EPHB2: variants seen among roughly 807,000 people sequenced by gnomAD.
The protein encoded by EPHB2 is ephrin type-B receptor 2.
A neutral mutation model predicts 96.4 loss-of-function variants in EPHB2; 18 were observed. The ratio of observed to expected loss-of-function variants is 0.19; its 90% confidence interval spans 0.13 to 0.28. The LOEUF (loss-of-function observed/expected upper bound fraction) is 0.28. Ranked by LOEUF, EPHB2 falls within the 10% of genes least tolerant of loss-of-function variation. The pLI, the probability that EPHB2 is intolerant of heterozygous loss-of-function variation, is 1.00. For synonymous variants in EPHB2, 506 were observed against 534.1 expected (o/e 0.95, Z 0.72); for missense variants, 989 against 1,355.4 (o/e 0.73, Z 4.25).
At position 22,910,410 on chromosome 1, in the gene EPHB2, G is replaced by A. The variant is rs755816176; in HGVS notation, c.2531G>A (p.Arg844Gln). The change falls in exon 14 of 16, where the codon CGG (arginine) becomes CAG (glutamine). Residue 844 changes from arginine to glutamine, a missense_variant. Physicochemically the swap from Arg to Gln is conservative, Grantham distance 43. Transcript: ENST00000374630. The part of the protein sequence containing the change: ...DVINAIEQDY[R>Q]LPPPMDCPSA... Reference sequence around the variant, plus strand: ...ATCAATGCCATTGAGCAGGACTATCGGCTGCCACCGCCCATGGACTGCCCG... The same window carrying A: ...ATCAATGCCATTGAGCAGGACTATCAGCTGCCACCGCCCATGGACTGCCCG... 20 of 1,614,066 alleles carry A rather than the reference G, an allele frequency of 1.2e-5. No homozygotes were observed. The highest frequency in any genetic ancestry group is 4.0e-5 in the African/African-American group (3 of 74,916).
chr1:22,741,519 A>G (rs916116431), intron 1 of EPHB2, among the ~76,000 whole-genome samples: 9 of 152,028 alleles, frequency 5.9e-5, no homozygotes, highest in Admixed American at 1.3e-4. Flanking sequence ...TGCCTGATGC[A>G]TAGAATAACT....
intron 3 of EPHB2, among the ~76,000 whole-genome samples, chr1:22,843,542 C>G (rs1281622188): frequency 6.6e-6 from 1 of 152,036 alleles, no homozygotes; most frequent in Non-Finnish European, 1.5e-5. Flanking sequence ...TTCCCTTCTT[C>G]TTTTTCTTTT....
chr1:22,739,412 C>T (rs1054343063), intron 1 of EPHB2, among the ~76,000 whole-genome samples: 1 of 152,116 alleles, frequency 6.6e-6, no homozygotes, highest in Non-Finnish European at 1.5e-5. Flanking sequence ...GATGGGGGTT[C>T]ACCTTGTTGG....
chr1:22,753,599 C>A (rs1189782109), intron 1 of EPHB2, among the ~76,000 whole-genome samples: 1 of 152,128 alleles, frequency 6.6e-6, no homozygotes, highest in Non-Finnish European at 1.5e-5. Context: ...CCAGCACAGG[C>A]ACAAGCGTGG....
intron 2 of EPHB2, among the ~76,000 whole-genome samples, chr1:22,783,621 C>G (rs1438955624): frequency 6.6e-6 from 1 of 152,222 alleles, no homozygotes. Context: ...GGGAAGGAGC[C>G]TGGTCCGTGA....
chr1:22,827,611 T>A (rs1645243229), intron 3 of EPHB2, among the ~76,000 whole-genome samples: 1 of 152,172 alleles, frequency 6.6e-6, no homozygotes, highest in Non-Finnish European at 1.5e-5. Flanking sequence ...CCTCGTGAGG[T>A]CACTGTGAAG....
intron 6 of EPHB2, among the ~76,000 whole-genome samples, chr1:22,883,505 G>A (rs1241914600): frequency 6.6e-6 from 1 of 152,246 alleles, no homozygotes; most frequent in Non-Finnish European, 1.5e-5. Context: ...GGCATCGCGG[G>A]GCTTCCATTC....
chr1:22,785,065 C>A lies in EPHB2; in HGVS notation c.800C>A (p.Thr267Asn). ...KAGFEAVENGTVCRGCPSGTF... is the reference protein window; with the variant it reads ...KAGFEAVENGNVCRGCPSGTF... ...GGCTTCGAGGCCGTTGAGAATGGCACCGTCTGCCGAGGTAAGGGCCAGGGT... is the reference window on the plus strand; with the variant it reads ...GGCTTCGAGGCCGTTGAGAATGGCAACGTCTGCCGAGGTAAGGGCCAGGGT... The change falls in exon 3 of 16, where the codon ACC becomes AAC. Residue 267 changes from threonine to asparagine, a missense_variant. Thr to Asn is a moderately conservative substitution (Grantham distance 65). Transcript: ENST00000374630. 6.2e-7 allele frequency: 1 copy of A among 1,613,548 alleles called. No individual in the cohort carries two copies. Among genetic ancestry groups the A allele is most frequent in the East Asian group, 2.2e-5 (1 of 44,882 alleles).
chr1:22,893,191 G>C, intron 7 of EPHB2, 145 bp downstream of exon 7: 1 of 1,279,552 alleles, frequency 7.8e-7, no homozygotes, highest in Non-Finnish European at 1.1e-6. Flanking sequence ...TCCTAATTTC[G>C]AACCTTTGTG....
At chr1:22,768,601 G>T (rs1457954090) in intron 1 of EPHB2, among the ~76,000 whole-genome samples, 1 of 151,962 alleles carries the variant, frequency 6.6e-6, no homozygotes, top group Admixed American at 6.5e-5. Context: ...GCTGAGGTGG[G>T]AGGATCAGTT....
intron 1 of EPHB2, among the ~76,000 whole-genome samples, chr1:22,763,085 G>C (rs185319058): frequency 4.6e-5 from 7 of 152,176 alleles, no homozygotes; most frequent in African/African-American, 1.4e-4. Context: ...CCACGCAGGG[G>C]TTCCCTGCCA....
At chr1:22,711,726 G>C (rs1225473065) in intron 1 of EPHB2, among the ~76,000 whole-genome samples, 1 of 152,094 alleles carries the variant, frequency 6.6e-6, no homozygotes, top group East Asian at 1.9e-4. Context: ...CCACCGCCCC[G>C]CGGCCGCGGC....
At chr1:22,903,611 A>G (rs1234701085) in intron 9 of EPHB2, among the ~76,000 whole-genome samples, 2 of 152,196 alleles carry the variant, frequency 1.3e-5, no homozygotes, top group African/African-American at 2.4e-5. Flanking sequence ...CAGAGCCACA[A>G]TTTCCTTATG....
intron 1 of EPHB2, among the ~76,000 whole-genome samples, chr1:22,767,945 A>C (rs1644329480): frequency 6.6e-6 from 1 of 152,216 alleles, no homozygotes; most frequent in Admixed American, 6.5e-5. Context: ...ATGCGAGAAA[A>C]TGTCCCAGCA....
chr1:22,821,696 G>T (rs935658962), intron 3 of EPHB2, among the ~76,000 whole-genome samples: 1 of 152,226 alleles, frequency 6.6e-6, no homozygotes, highest in African/African-American at 2.4e-5. Context: ...GGGCCTTAGG[G>T]TAGTTGCCCT....
chr1:22,905,881 G>A, intron 9 of EPHB2, 106 bp from the exon 10 acceptor site: 1 of 1,575,836 alleles, frequency 6.3e-7, no homozygotes, highest in South Asian at 1.1e-5. Flanking sequence ...TCTTATGGGG[G>A]CCACATGGGA....
chr1:22,904,051 G>A (rs542423814), intron 9 of EPHB2, among the ~76,000 whole-genome samples: 1 of 152,328 alleles, frequency 6.6e-6, no homozygotes, highest in South Asian at 2.1e-4. Context: ...ACTTCGGGAG[G>A]CCGAGGCAAG....
intron 5 of EPHB2, among the ~76,000 whole-genome samples, chr1:22,881,070 T>C (rs534589636): frequency 1.8e-4 from 28 of 151,878 alleles, no homozygotes; most frequent in Admixed American, 1.2e-3. Context: ...GCCCAGGAGT[T>C]CGAGACCAAC....
chr1:22,820,013 C>A (rs1454878455), intron 3 of EPHB2, among the ~76,000 whole-genome samples: 1 of 151,998 alleles, frequency 6.6e-6, no homozygotes, highest in Non-Finnish European at 1.5e-5. Context: ...CTACAGCTCC[C>A]ATTTCTCCAG....
Sources: allele counts gnomAD v4.1 joint callset (sites outside exome capture counted in the v4.1 genomes callset), GRCh38; gene constraint gnomAD v4.1.1; transcripts MANE v1.5; gene names NCBI Gene and HGNC (gene_info 2026-07-23, HGNC 2026-07-21).